BCL11A: variants seen among roughly 807,000 people sequenced by gnomAD.
The protein encoded by BCL11A is BCL11 transcription factor A, also known as B cell CLL/lymphoma 11A.
A neutral mutation model predicts 55.9 loss-of-function variants in BCL11A; 2 were observed. That is an observed-to-expected ratio of 0.04 (90% CI 0.01 to 0.11). BCL11A has a LOEUF of 0.11. Ranked by LOEUF, BCL11A falls within the 10% of genes least tolerant of loss-of-function variation. The probability of loss-of-function intolerance (pLI) is 1.00; values close to 1 mark genes in which losing one functional copy is unlikely to be tolerated. For synonymous variants in BCL11A, 465 were observed against 473.4 expected (o/e 0.98, Z 0.23); for missense variants, 817 against 1,137.1 (o/e 0.72, Z 4.05).
chr2:60,482,035 T>C (rs550938743), intron 2 of BCL11A, among the ~76,000 whole-genome samples: 3 of 152,250 alleles, frequency 2.0e-5, no homozygotes, highest in East Asian at 1.9e-4. Context: ...TTGTTTGTCA[T>C]TTTTGGACCT....
chr2:60,464,702 A>G (rs897363508), intron 3 of BCL11A, among the ~76,000 whole-genome samples: 1 of 152,246 alleles, frequency 6.6e-6, no homozygotes, highest in Non-Finnish European at 1.5e-5. Flanking sequence ...TGTGGCATAC[A>G]GCACTACATC....
chr2:60,541,840 G>A (rs909030732), intron 2 of BCL11A: 1 of 627,722 alleles, frequency 1.6e-6, no homozygotes, highest in South Asian at 1.9e-5. Flanking sequence ...AGAAAAATAA[G>A]TAGTCATAAT....
At chr2:60,468,001 GGTGGTGATGGTGGTGGTGGTGGTA>G (rs1298730253) in intron 3 of BCL11A, among the ~76,000 whole-genome samples, 7 of 130,930 alleles carry the variant, frequency 5.3e-5, no homozygotes, top group South Asian at 2.3e-4. Flanking sequence ...TAATGGTGGT[GGTGGTGATGGTGGTGGTGGTGGTA>G]GTGGTGGTGA....
chr2:60,495,168 C>A (rs977708913), intron 2 of BCL11A, among the ~76,000 whole-genome samples: 1 of 152,350 alleles, frequency 6.6e-6, no homozygotes, highest in African/African-American at 2.4e-5. Flanking sequence ...AAGAGGCCCC[C>A]CTGGGCAAAC....
At chr2:60,509,941 G>A (rs757519444) in intron 2 of BCL11A, among the ~76,000 whole-genome samples, 7 of 152,030 alleles carry the variant, frequency 4.6e-5, no homozygotes, top group African/African-American at 1.2e-4. Context: ...CCCAGTCACC[G>A]AGCCACACAT....
chr2:60,519,506 A>C (rs1272845346), intron 2 of BCL11A, among the ~76,000 whole-genome samples: 2 of 152,100 alleles, frequency 1.3e-5, no homozygotes, highest in Non-Finnish European at 2.9e-5. Flanking sequence ...AGGTGACTGC[A>C]CTCATGCTGC....
At chr2:60,513,234 C>T (rs1346541402) in intron 2 of BCL11A, among the ~76,000 whole-genome samples, 2 of 152,148 alleles carry the variant, frequency 1.3e-5, no homozygotes, top group Admixed American at 6.5e-5. Flanking sequence ...GTTTCAGGTA[C>T]ATCCCCATCA....
Position 60,457,941 on chromosome 2 carries a change from T to G in BCL11A, c.*2463A>C. 1 of 1,045,056 alleles carries G rather than the reference T, an allele frequency of 9.6e-7. No homozygotes were observed. The allele number at this position is 1,045,056 out of a possible 1,614,324, so 64.7% of individuals were successfully genotyped here. On this transcript the variant is annotated 3_prime_UTR_variant, in exon 4 of 4. Coordinates refer to ENST00000642384, the MANE Select transcript of BCL11A (RefSeq NM_022893.4). ...CTTCTCATCTGTAATGTCACACTTTTTTGTTTCTCTCTTTTTTTTTTTTTT... is the reference window on the plus strand; with the variant it reads ...CTTCTCATCTGTAATGTCACACTTTGTTGTTTCTCTCTTTTTTTTTTTTTT...
intron 1 of BCL11A, among the ~76,000 whole-genome samples, chr2:60,552,721 T>C (rs915644414): frequency 1.3e-5 from 2 of 152,204 alleles, no homozygotes; most frequent in East Asian, 3.9e-4. Flanking sequence ...TCTCACCTCT[T>C]TTCTCCCCGG....
At chr2:60,530,666 G>A (rs1669410829) in intron 2 of BCL11A, among the ~76,000 whole-genome samples, 1 of 146,068 alleles carries the variant, frequency 6.8e-6, no homozygotes, top group African/African-American at 2.5e-5. Context: ...TGTACAGTCA[G>A]CAGGTATTTA....
chr2:60,500,963 G>A (rs1360814223), intron 2 of BCL11A, among the ~76,000 whole-genome samples: 1 of 152,084 alleles, frequency 6.6e-6, no homozygotes, highest in Admixed American at 6.6e-5. Flanking sequence ...TAGCTGGGTG[G>A]GCTTGCAAGC....
chr2:60,470,021 A>G (rs1677110129), intron 2 of BCL11A, among the ~76,000 whole-genome samples: 1 of 152,202 alleles, frequency 6.6e-6, no homozygotes, highest in Admixed American at 6.5e-5. Flanking sequence ...AGTGTAAAAT[A>G]CATCCTGTTC....
chr2:60,544,264 G>T (rs2104736894), intron 2 of BCL11A: 1 of 152,360 alleles, frequency 6.6e-6, no homozygotes, highest in South Asian at 2.1e-4. Context: ...ATTTAGCAAG[G>T]CTTTGGATCT....
chr2:60,550,980 G>GGT, intron 1 of BCL11A: 1 of 225,212 alleles, frequency 4.4e-6, no homozygotes, highest in Non-Finnish European at 8.6e-6. Context: ...AGGGGGTGGG[G>GGT]AGAGGGAGGG....
intron 2 of BCL11A, among the ~76,000 whole-genome samples, chr2:60,507,057 T>C (rs1301700365): frequency 2.6e-5 from 4 of 151,898 alleles, no homozygotes; most frequent in African/African-American, 4.8e-5. Context: ...TGTACTCAAT[T>C]ATGAACTAAC....
chr2:60,530,488 A>G (rs1669399568), intron 2 of BCL11A, among the ~76,000 whole-genome samples: 2 of 151,990 alleles, frequency 1.3e-5, no homozygotes, highest in South Asian at 4.1e-4. Flanking sequence ...TGGCGTTATC[A>G]CAACTTTTTT....
At chr2:60,456,148 C>T (rs1433486798), downstream of BCL11A, among the ~76,000 whole-genome samples, 1 of 152,180 alleles carries the variant, frequency 6.6e-6, no homozygotes, top group South Asian at 2.1e-4. Context: ...AAAAGGCCAC[C>T]TCACAGGCAC....
intron 2 of BCL11A, among the ~76,000 whole-genome samples, chr2:60,540,487 C>A (rs527675069): frequency 2.0e-5 from 3 of 152,266 alleles, no homozygotes; most frequent in Admixed American, 1.3e-4. Flanking sequence ...TATTTCCCCC[C>A]AAAGGAAAGC....
At chr2:60,468,020 G>GTCA (rs1558620898) in intron 3 of BCL11A, among the ~76,000 whole-genome samples, 2 of 83,942 alleles carry the variant, frequency 2.4e-5, no homozygotes, top group Non-Finnish European at 5.1e-5. Flanking sequence ...GGTGGTGGTG[G>GTCA]TGGTAGTGGT....
Sources: allele counts gnomAD v4.1 joint callset (sites outside exome capture counted in the v4.1 genomes callset), GRCh38; gene constraint gnomAD v4.1.1; transcripts MANE v1.5; gene names NCBI Gene and HGNC (gene_info 2026-07-23, HGNC 2026-07-21).